EIF2B4: variants seen among roughly 807,000 people sequenced by gnomAD.
The protein encoded by EIF2B4 is eukaryotic translation initiation factor 2B subunit delta.
In EIF2B4, 34 loss-of-function variants were observed where a neutral mutation model predicts 66.7. The ratio of observed to expected loss-of-function variants is 0.51; its 90% CI spans 0.39 to 0.68. The LOEUF (loss-of-function observed/expected upper bound fraction) is 0.68, where lower values mean the gene tolerates loss of function less well. EIF2B4 is among the 30% of genes least tolerant of loss of function. The pLI, the probability that EIF2B4 is intolerant of heterozygous loss-of-function variation, is 0.00. For missense variants in EIF2B4, 618 were observed against 657.9 expected (o/e 0.94, Z 0.66); for synonymous variants, 278 against 253.6 (o/e 1.10, Z -0.92).
At chr2:27,367,937 C>A in intron 7 of EIF2B4, 88 bp downstream of exon 7, 1 of 1,472,560 alleles carries the variant, frequency 6.8e-7, no homozygotes, top group South Asian at 1.2e-5. Context: ...TTCCCTCTGT[C>A]CCCCAGAGAT....
intron 4 of EIF2B4, 64 bp from the exon 5 acceptor site, chr2:27,368,797 G>T: frequency 6.4e-7 from 1 of 1,561,274 alleles, no homozygotes; most frequent in South Asian, 1.1e-5. Flanking sequence ...TTGCTCTTAG[G>T]GTATAAGGGG....
Position 27,364,755 on chromosome 2 carries a change from C to G in EIF2B4, c.1335G>C (p.Glu445Asp). The G allele has an allele frequency of 6.2e-7, 1 of 1,614,206 alleles. No individual in the cohort carries two copies. Among genetic ancestry groups the G allele is most frequent in the Non-Finnish European group, 8.5e-7 (1 of 1,180,042 alleles). ...LVCCETYKFC[E>D]RVQTDAFVSN... ...AGACAAAGGCATCAGTCTGCACACGCTCACAGAACTTGTATGTTTCACAGC... is the reference window on the plus strand; with the variant it reads ...AGACAAAGGCATCAGTCTGCACACGGTCACAGAACTTGTATGTTTCACAGC... The change falls in exon 12 of 13, where the codon GAG becomes GAC. Residue 445 changes from glutamate to aspartate, a missense_variant. Transcript: ENST00000347454.
rs761059364 is a variant in EIF2B4 at position 27,364,530 on chromosome 2, G to C, written c.1442C>G (p.Ser481Cys). 6 of 1,614,202 alleles carry C rather than the reference G, an allele frequency of 3.7e-6. No homozygotes were observed. The South Asian group carries it at 6.6e-5, about 18-fold the overall frequency. The change falls in exon 13 of 13, where the codon TCC becomes TGC. Residue 481 changes from serine (S) to cysteine (C), a missense_variant. Physicochemically the swap from Ser to Cys is moderately radical, Grantham distance 112 (BLOSUM62 -1). Coordinates refer to ENST00000347454, the MANE Select transcript of EIF2B4 (RefSeq NM_001034116.2). ...VALANWQNHA[S>C]LRLLNLVYDV... ...ATAGACTAGATTCAACAACCGTAGGGATGCGTGGTTCTGCCAGTTAGCCAG... is the reference window on the plus strand; with the variant it reads ...ATAGACTAGATTCAACAACCGTAGGCATGCGTGGTTCTGCCAGTTAGCCAG...
chr2:27,367,182 G>A lies in EIF2B4; in HGVS notation c.905C>T (p.Ala302Val), dbSNP rs780909643. Reference protein sequence around the residue: ...REEEAKSELRAAIDRYVQEKI... With the variant: ...REEEAKSELRVAIDRYVQEKI... The stretch of plus-strand genomic sequence containing the variant: ...CTCTTGCACATACCGATCAATGGCT[G>A]CTCGAAGTTCTGACTTGGCCTAAAT... Residue 302 changes from alanine to valine, a missense_variant, in exon 10 of 13, where the codon GCA becomes GTA. Transcript: ENST00000347454. 1.9e-6 allele frequency: 3 copies of A among 1,614,208 alleles called. No homozygotes were observed. In the South Asian group the frequency reaches 3.3e-5, roughly 18 times the overall value.
At chr2:27,364,997 A>C in intron 11 of EIF2B4, 99 bp from the exon 12 acceptor site, 2 of 1,168,602 alleles carry the variant, frequency 1.7e-6, no homozygotes, top group Non-Finnish European at 2.5e-6. Flanking sequence ...ACAAGTAATA[A>C]ATCTCAACAC....
intron 2 of EIF2B4, 108 bp downstream of exon 2, chr2:27,369,768 C>G: frequency 4.8e-6 from 7 of 1,470,372 alleles, no homozygotes; most frequent in Non-Finnish European, 6.4e-6. Context: ...AATCTCCTGG[C>G]TTTACTGAGA....
rs1682124293 is a variant in EIF2B4, at chr2:27,369,144, C to A, written c.280G>T (p.Gly94Cys). Residue 94 changes from glycine (G) to cysteine (C), a missense_variant, in exon 4 of 13, where the codon GGT becomes TGT. Coordinates refer to ENST00000347454, the MANE Select transcript of EIF2B4 (RefSeq NM_001034116.2). ...LGTPREKVPA[G>C]RSKAELRAER... ...GCCCGAAGTTCGGCCTTACTCCGAC[C>A]AGCTGGAACTTTCTCCCGAGGAGTG... is the stretch of plus-strand genomic sequence containing the variant. 1.2e-6 allele frequency: 2 copies of A among 1,613,986 alleles called. No individual in the cohort carries two copies. The highest frequency in any genetic ancestry group is 1.7e-6 in the Non-Finnish European group (2 of 1,180,016).
chr2:27,365,066 T>C (rs1372353814), intron 11 of EIF2B4, 168 bp from the exon 12 acceptor site: 2 of 737,618 alleles, frequency 2.7e-6, no homozygotes, highest in Non-Finnish European at 2.2e-6. Flanking sequence ...TTTTTTTTTT[T>C]TTTCTTTGAG....
rs1256893647 is a variant in EIF2B4, at chr2:27,368,866, G to C, written c.419-133C>G. 9 of 1,415,224 alleles carry C rather than the reference G, an allele frequency of 6.4e-6. No individual in the cohort carries two copies. In the Admixed American group the frequency reaches 1.6e-4, roughly 26 times the overall value. 87.7% of individuals were successfully genotyped at this position (1,415,224 alleles called of 1,614,324 possible). ...GGAGAATAGGGTAGAAAAGGAAATA[G>C]GGATAGGATAATGGGGTTGCAGGAA... On this transcript the variant is annotated intron_variant, in intron 4 of 12. Transcript: ENST00000347454.
chr2:27,369,421 T>G lies in EIF2B4; in HGVS notation c.204A>C (p.Gln68His), dbSNP rs751451207. Residue 68 changes from glutamine (Q) to histidine (H), a missense_variant, in exon 3 of 13, where the codon CAA becomes CAC. This residue lies in a region of EIF2B4 where 506 missense variants were observed against 511.9 expected (regional missense o/e 0.99). Coordinates refer to ENST00000347454, the MANE Select transcript of EIF2B4 (RefSeq NM_001034116.2). ...PETGSAVSAA[Q>H]CQVGPTRELP... ...AAGAGACCCCTCACTCACCTTGACA[T>G]TGGGCTGCAGATACAGCAGAGCCAG... 6.2e-7 allele frequency: 1 copy of G among 1,614,002 alleles called. No individual in the cohort carries two copies. The highest frequency in any genetic ancestry group is 1.3e-5 in the African/African-American group (1 of 74,914).
chr2:27,368,918 TGA>T, intron 4 of EIF2B4, 86 bp downstream of exon 4: 1 of 1,543,262 alleles, frequency 6.5e-7, no homozygotes, highest in South Asian at 1.1e-5. Flanking sequence ...GTCCCAAGAA[TGA>T]GAGGGGAGAG....
In EIF2B4 at chr2:27,369,458, G is replaced by GC; in HGVS notation, c.166dup (p.Ala56GlyfsTer42). Reference sequence around the variant, plus strand: ...TACAGCAGAGCCAGTCTCTGGTTCTGCCCCCTTTTCTTCCTTCCGTTTCTT... The same window carrying GC: ...TACAGCAGAGCCAGTCTCTGGTTCTGCCCCCCTTTTCTTCCTTCCGTTTCTT... On this transcript the variant is annotated frameshift_variant, in exon 3 of 13. Transcript: ENST00000347454. LOFTEE classifies it high-confidence loss of function. The GC allele has an allele frequency of 6.2e-7, 1 of 1,614,026 alleles. No individual in the cohort carries two copies. The highest frequency in any genetic ancestry group is 8.5e-7 in the Non-Finnish European group (1 of 1,180,016).
chr2:27,368,787 T>C lies in EIF2B4; in HGVS notation c.419-54A>G. On this transcript the variant is annotated intron_variant, in intron 4 of 12. Transcript: ENST00000347454. ...CACTGTAGGTCTTGAAATGTGTAAT[T>C]TGCTCTTAGGGTATAAGGGGCATCA... is the stretch of plus-strand genomic sequence containing the variant. 4 of 1,593,648 alleles carry C rather than the reference T, an allele frequency of 2.5e-6. No individual in the cohort carries two copies. In the South Asian group the frequency reaches 3.3e-5, roughly 13 times the overall value.
intron 11 of EIF2B4, chr2:27,366,170 G>C (rs1681839301): frequency 1.6e-5 from 2 of 128,054 alleles, no homozygotes; most frequent in Admixed American, 8.0e-5. Context: ...TAAGTAGCTG[G>C]AACTACATGC....
chr2:27,364,660 CT>C, intron 12 of EIF2B4, 57 bp downstream of exon 12: 10 of 1,614,146 alleles, frequency 6.2e-6, no homozygotes, highest in South Asian at 1.1e-5. Context: ...TTATCCGCCC[CT>C]CTCCCTCCCT....
intron 5 of EIF2B4, 51 bp from the exon 6 acceptor site, chr2:27,368,514 G>A (rs1396248335): frequency 6.4e-7 from 1 of 1,573,948 alleles, no homozygotes; most frequent in Non-Finnish European, 8.7e-7. Context: ...AAAAAGGATG[G>A]GATAAAGCTG....
intron 11 of EIF2B4, chr2:27,365,200 G>A (rs979931278): frequency 1.4e-5 from 5 of 367,572 alleles, no homozygotes; most frequent in African/African-American, 1.1e-4. Flanking sequence ...GGGATTACAG[G>A]CATGCACCAC....
intron 5 of EIF2B4, 43 bp from the exon 6 acceptor site, chr2:27,368,506 A>C (rs764126847): frequency 6.3e-7 from 1 of 1,584,480 alleles, no homozygotes; most frequent in Non-Finnish European, 8.7e-7. Context: ...CAGAGTTTAA[A>C]AAGGATGGGA....
chr2:27,368,307 C>G (rs1682015989), intron 6 of EIF2B4, 65 bp downstream of exon 6: 2 of 1,478,000 alleles, frequency 1.4e-6, no homozygotes, highest in Non-Finnish European at 1.9e-6. Context: ...TTACTAGAAA[C>G]TTTCAATACT....
Sources: allele counts gnomAD v4.1 joint callset, GRCh38; gene constraint gnomAD v4.1.1; regional missense constraint gnomAD v4.1.1; transcripts MANE v1.5; gene names NCBI Gene and HGNC (gene_info 2026-07-23, HGNC 2026-07-21).